SHOC2: variants seen among roughly 807,000 people sequenced by gnomAD.
SHOC2 encodes SHOC2 leucine rich repeat scaffold protein.
Under a neutral mutation model 50.2 loss-of-function variants are expected in SHOC2, and 4 were observed. The observed-to-expected ratio is 0.08, with a 90% CI of 0.04 to 0.18. The LOEUF (loss-of-function observed/expected upper bound fraction) is 0.18, where lower values mean the gene tolerates loss of function less well. SHOC2 is among the 10% of genes least tolerant of loss of function. The pLI is 1.00. For missense variants in SHOC2, 388 were observed against 669.6 expected (o/e 0.58, Z 4.64); for synonymous variants, 218 against 244.5 (o/e 0.89, Z 1.01).
chr10:110,920,412 A>AT (rs1380781729), intron 1 of SHOC2, among the ~76,000 whole-genome samples: 6 of 151,886 alleles, frequency 4.0e-5, no homozygotes, highest in South Asian at 2.1e-4. Flanking sequence ...GGGCAAGACG[A>AT]TTTTTCCCCC....
intron 1 of SHOC2, chr10:110,920,063 C>T (rs1338945861): frequency 2.7e-5 from 4 of 150,518 alleles, no homozygotes; most frequent in Non-Finnish European, 5.9e-5. Context: ...TCTCGGCTCC[C>T]TGGGCCCCCG....
At chr10:110,919,735 G>T in intron 1 of SHOC2, 78 bp downstream of exon 1, 1 of 397,100 alleles carries the variant, frequency 2.5e-6, no homozygotes, top group East Asian at 3.6e-5. Context: ...CGGGCAGTCG[G>T]GCTGGCTGTC....
At chr10:110,960,820 C>T (rs1439400194) in intron 1 of SHOC2, among the ~76,000 whole-genome samples, 1 of 152,076 alleles carries the variant, frequency 6.6e-6, no homozygotes, top group African/African-American at 2.4e-5. Flanking sequence ...GGATTACAGG[C>T]GCCCGCCACC....
chr10:111,000,393 C>CT (rs1219404970), intron 3 of SHOC2, 22 bp from the exon 4 acceptor site: 2 of 1,612,006 alleles, frequency 1.2e-6, no homozygotes, highest in Non-Finnish European at 1.7e-6. Context: ...AAATAAATTT[C>CT]TTTTTTTGTG....
rs899152815 is a variant in SHOC2 at position 110,919,677 on chromosome 10, G to A, written c.-235+20G>A. 134 of 398,652 alleles carry A rather than the reference G, an allele frequency of 3.4e-4. No homozygotes were observed. Among genetic ancestry groups the A allele is most frequent in the Non-Finnish European group, 5.2e-4 (117 of 226,292 alleles). 24.7% of individuals were successfully genotyped at this position (398,652 alleles called of 1,614,324 possible). ...CTGACGGTAACTCGGGGCCGATGAG[G>A]CGGAGGGTGTCTGTTGGTCGGTTCT... On this transcript the variant is annotated intron_variant, in intron 1 of 8. Transcript: ENST00000369452.
intron 2 of SHOC2, among the ~76,000 whole-genome samples, chr10:110,973,814 T>G (rs1181480540): frequency 6.6e-6 from 1 of 151,904 alleles, no homozygotes; most frequent in Non-Finnish European, 1.5e-5. Context: ...TTGTACAGTT[T>G]GTTGATTTTG....
intron 3 of SHOC2, chr10:110,989,097 A>T: frequency 2.1e-6 from 1 of 475,012 alleles, no homozygotes; most frequent in Non-Finnish European, 4.0e-6. Flanking sequence ...GGTCAAGAAC[A>T]TTCCTGATAG....
At chr10:110,971,171 T>C (rs1359458957) in intron 2 of SHOC2, among the ~76,000 whole-genome samples, 1 of 152,158 alleles carries the variant, frequency 6.6e-6, no homozygotes, top group Non-Finnish European at 1.5e-5. Flanking sequence ...GTAGTAGTTT[T>C]ATATTTTTGG....
At chr10:111,007,497 T>C in intron 5 of SHOC2, 34 bp from the exon 6 acceptor site, 1 of 1,612,434 alleles carries the variant, frequency 6.2e-7, no homozygotes, top group Non-Finnish European at 8.5e-7. Context: ...GTTTTTGTGA[T>C]TCTACCTTGG....
At chr10:110,936,486 T>C in intron 1 of SHOC2, 1 of 573,196 alleles carries the variant, frequency 1.7e-6, no homozygotes, top group Non-Finnish European at 3.1e-6. Context: ...CTCAAAGGAT[T>C]CTCTTTTTAA....
rs141596715 is a variant in SHOC2, at chr10:110,986,619, G to A, written c.841+854G>A. 6.7e-3 allele frequency among the ~76,000 whole-genome samples: 1,016 copies of A among 152,004 alleles called. 6 individuals are homozygous for A. The highest frequency in any genetic ancestry group is 0.021 in the Admixed American group (316 of 15,270). On this transcript the variant is annotated intron_variant, in intron 3 of 8. Coordinates refer to ENST00000369452, the MANE Select transcript of SHOC2 (RefSeq NM_007373.4). ...CTCCTGAGTAGCTGGGACTACAGGC[G>A]TCCACCACCACGCCTGGCTAATTTT...
At chr10:110,946,935 G>A (rs1847256898) in intron 1 of SHOC2, among the ~76,000 whole-genome samples, 1 of 152,138 alleles carries the variant, frequency 6.6e-6, no homozygotes, top group Admixed American at 6.5e-5. Context: ...TTCAGCATTT[G>A]TTTCTTCACA....
chr10:110,971,936 A>G (rs1278423550), intron 2 of SHOC2, among the ~76,000 whole-genome samples: 1 of 151,862 alleles, frequency 6.6e-6, no homozygotes, highest in Non-Finnish European at 1.5e-5. Flanking sequence ...ATATCTATAT[A>G]TAAAAGCATA....
Position 110,964,249 on chromosome 10 carries a change from T to C in SHOC2, c.-110T>C. The C allele has an allele frequency of 6.6e-7, 1 of 1,515,068 alleles. No individual in the cohort carries two copies. The allele number at this position is 1,515,068 out of a possible 1,614,324, so 93.9% of individuals were successfully genotyped here. On this transcript the variant is annotated 5_prime_UTR_variant, in exon 2 of 9. Coordinates refer to ENST00000369452, the MANE Select transcript of SHOC2 (RefSeq NM_007373.4). The surrounding 1 kb of genome is among the most constrained non-coding windows in gnomAD (Gnocchi z 4.9). ...GATGTTACTCCATGCTGATTACTTC[T>C]TCAAGCCAGTACTTTTTTGATTGTG...
intron 3 of SHOC2, 128 bp downstream of exon 3, chr10:110,985,893 T>C (rs2134149459): frequency 1.3e-6 from 1 of 787,102 alleles, no homozygotes; most frequent in African/African-American, 1.8e-5. Flanking sequence ...TGTAAAACTT[T>C]TAAGATAATA....
intron 1 of SHOC2, among the ~76,000 whole-genome samples, chr10:110,929,340 A>G (rs1846841419): frequency 6.6e-6 from 1 of 152,226 alleles, no homozygotes; most frequent in Admixed American, 6.5e-5. Flanking sequence ...CATGATTTAA[A>G]TAATATATCA....
At chr10:110,981,262 TTAG>T (rs1248041579) in intron 2 of SHOC2, among the ~76,000 whole-genome samples, 1 of 152,234 alleles carries the variant, frequency 6.6e-6, no homozygotes, top group Non-Finnish European at 1.5e-5. Context: ...ATACAAACAT[TTAG>T]TATATTGTAG....
At chr10:110,920,565 C>A (rs1846617435) in intron 1 of SHOC2, among the ~76,000 whole-genome samples, 1 of 152,092 alleles carries the variant, frequency 6.6e-6, no homozygotes, top group Admixed American at 6.5e-5. Context: ...TTTAAGCAGG[C>A]AGTTTGTGTT....
At chr10:111,005,814 G>A (rs1402484519) in intron 5 of SHOC2, among the ~76,000 whole-genome samples, 1 of 152,204 alleles carries the variant, frequency 6.6e-6, no homozygotes, top group Non-Finnish European at 1.5e-5. Context: ...ATAGCTGATA[G>A]TATTCTTCCT....
Sources: allele counts gnomAD v4.1 joint callset (sites outside exome capture counted in the v4.1 genomes callset), GRCh38; gene constraint gnomAD v4.1.1; non-coding constraint Gnocchi (gnomAD v3.1); transcripts MANE v1.5; gene names NCBI Gene and HGNC (gene_info 2026-07-23, HGNC 2026-07-21).